Variants in FARP1 observed in about 807,000 individuals in gnomAD.
FARP1 encodes FERM, ARH/RhoGEF and pleckstrin domain protein 1, also known as FERM, ARHGEF and pleckstrin domain-containing protein 1.
In FARP1, 52 loss-of-function variants were observed where a neutral mutation model predicts 128.8. The observed-to-expected ratio is 0.40, with a 90% CI of 0.32 to 0.51. FARP1 has a LOEUF of 0.51. FARP1 is among the 20% of genes least tolerant of loss of function. The pLI is 0.45. For synonymous variants in FARP1, 580 were observed against 551.8 expected (o/e 1.05, Z -0.72); for missense variants, 1,333 against 1,367.9 (o/e 0.97, Z 0.40).
intron 2 of FARP1, among the ~76,000 whole-genome samples, chr13:98,307,479 T>C (rs1886218617): frequency 1.3e-5 from 2 of 152,084 alleles, no homozygotes; most frequent in African/African-American, 4.8e-5. Context: ...TGAGCTGGTA[T>C]CTCCTGCCCA....
chr13:98,282,685 A>C (rs930396903), intron 2 of FARP1, among the ~76,000 whole-genome samples: 1 of 152,192 alleles, frequency 6.6e-6, no homozygotes, highest in African/African-American at 2.4e-5. Context: ...CAGGCGGATC[A>C]CAAAGTCAAA....
intron 2 of FARP1, among the ~76,000 whole-genome samples, chr13:98,221,347 A>C (rs902370586): frequency 1.3e-5 from 2 of 152,152 alleles, no homozygotes; most frequent in Non-Finnish European, 2.9e-5. Context: ...AGCACTTAAG[A>C]ATAAAAAATC....
intron 25 of FARP1, 154 bp from the exon 26 acceptor site, chr13:98,446,512 C>A: frequency 1.3e-6 from 1 of 745,260 alleles, no homozygotes. Context: ...CCATCACGTA[C>A]AGGCAAACAC....
intron 13 of FARP1, chr13:98,407,538 T>C (rs1050541836): frequency 6.6e-6 from 1 of 152,142 alleles, no homozygotes; most frequent in South Asian, 2.1e-4. Context: ...TGGTGGTGTT[T>C]CGGGTGATGG....
chr13:98,220,657 A>T (rs949755448), intron 2 of FARP1, among the ~76,000 whole-genome samples: 1 of 152,138 alleles, frequency 6.6e-6, no homozygotes, highest in Non-Finnish European at 1.5e-5. Context: ...AGAGGAAAAA[A>T]ATTTTTTTCA....
At chr13:98,151,969 C>T (rs1876043940) in intron 1 of FARP1, among the ~76,000 whole-genome samples, 1 of 152,030 alleles carries the variant, frequency 6.6e-6, no homozygotes, top group Non-Finnish European at 1.5e-5. Context: ...GCCATATCTT[C>T]CATCTTTGAC....
intron 16 of FARP1, among the ~76,000 whole-genome samples, chr13:98,423,155 G>A (rs1566308851): frequency 1.3e-5 from 2 of 152,156 alleles, no homozygotes; most frequent in Non-Finnish European, 2.9e-5. Context: ...GCTGGCAGCC[G>A]ATTAGGTTGT....
At chr13:98,213,480 G>A (rs774950496) in intron 2 of FARP1, 67 bp downstream of exon 2, 44 of 1,513,266 alleles carry the variant, frequency 2.9e-5, no homozygotes, top group African/African-American at 5.6e-5. Context: ...GAGGAGGTTC[G>A]GCTCATTCCC....
Position 98,312,135 on chromosome 13 carries a change from C to CT in FARP1, c.172-31608dup, listed in dbSNP as rs60890411. On this transcript the variant is annotated intron_variant, in intron 2 of 26. Transcript: ENST00000319562. ...GTGCTGGGATTGCAGGTGGTAACTG[C>CT]TTTTTTTTTTTTTTTTTTTCTTTGA... 8.5e-3 allele frequency among the ~76,000 whole-genome samples: 730 copies of CT among 86,098 alleles called. 35 individuals carry two copies. The highest frequency in any genetic ancestry group is 0.031 in the African/African-American group (653 of 20,924). 56.5% of individuals were successfully genotyped at this position (86,098 alleles called of 152,430 possible).
chr13:98,271,453 T>TAA (rs1300887221), intron 2 of FARP1, among the ~76,000 whole-genome samples: 3 of 152,154 alleles, frequency 2.0e-5, no homozygotes, highest in Non-Finnish European at 4.4e-5. Flanking sequence ...TGCAGGTTTG[T>TAA]TACATAGGTA....
chr13:98,307,621 G>C (rs547521412), intron 2 of FARP1, among the ~76,000 whole-genome samples: 1 of 152,052 alleles, frequency 6.6e-6, no homozygotes, highest in Non-Finnish European at 1.5e-5. Flanking sequence ...TCCTTCTCCC[G>C]AGGCCACACC....
At chr13:98,365,040 G>T (rs1190780513) in intron 3 of FARP1, among the ~76,000 whole-genome samples, 2 of 152,142 alleles carry the variant, frequency 1.3e-5, no homozygotes, top group Non-Finnish European at 2.9e-5. Context: ...TTTCAATAAG[G>T]AATGTACGTA....
At chr13:98,297,567 C>G (rs1388362730) in intron 2 of FARP1, among the ~76,000 whole-genome samples, 1 of 152,194 alleles carries the variant, frequency 6.6e-6, no homozygotes, top group Non-Finnish European at 1.5e-5. Context: ...TTTAAAAACT[C>G]AAACTGCCCC....
intron 2 of FARP1, among the ~76,000 whole-genome samples, chr13:98,247,336 G>A (rs1883121245): frequency 6.6e-6 from 1 of 152,208 alleles, no homozygotes; most frequent in South Asian, 2.1e-4. Flanking sequence ...TTGGTGGTGT[G>A]CAGCCTTCCA....
At chr13:98,364,136 A>C (rs1020636366) in intron 3 of FARP1, among the ~76,000 whole-genome samples, 2 of 152,220 alleles carry the variant, frequency 1.3e-5, no homozygotes, top group African/African-American at 2.4e-5. Context: ...ACGATGATAA[A>C]AATGCTGCAA....
At position 98,385,895 on chromosome 13, in the gene FARP1, G is replaced by C. The variant is rs1041588467; in HGVS notation, c.759+81G>C. The C allele has an allele frequency of 6.2e-6, 9 of 1,448,824 alleles. 1 individual carries two copies. The highest frequency in any genetic ancestry group is 2.3e-5 in the East Asian group (1 of 43,826). The allele number at this position is 1,448,824 out of a possible 1,614,324, so 89.7% of individuals were successfully genotyped here. A position where few individuals can be genotyped will look rare whatever the true frequency, so the allele number is the denominator to read the frequency against. The stretch of plus-strand genomic sequence containing the variant: ...GCCCTTCAACTCTGATTCATATTCA[G>C]TGGGCTAAGACCTCTGATGGTTATT... On this transcript the variant is annotated intron_variant, in intron 8 of 26. Coordinates refer to ENST00000319562, the MANE Select transcript of FARP1 (RefSeq NM_005766.4).
At chr13:98,333,816 G>A (rs1887623251) in intron 2 of FARP1, 1 of 152,000 alleles carries the variant, frequency 6.6e-6, no homozygotes, top group East Asian at 1.9e-4. Context: ...TGAAAGCCTT[G>A]TTCCAGCTCC....
intron 3 of FARP1, among the ~76,000 whole-genome samples, chr13:98,351,611 A>T (rs980642183): frequency 2.2e-5 from 2 of 90,682 alleles, no homozygotes; most frequent in African/African-American, 6.0e-5. Flanking sequence ...GACTCCATCT[A>T]AAAAAAAAAA....
At chr13:98,207,908 C>CACACACACACA (rs1555327644) in intron 1 of FARP1, among the ~76,000 whole-genome samples, 11 of 71,604 alleles carry the variant, frequency 1.5e-4, no homozygotes, top group African/African-American at 6.1e-4. Context: ...ACCACCACCT[C>CACACACACACA]CACACACACA....
Sources: gnomAD v4.1 joint callset for allele counts (sites outside exome capture counted in the v4.1 genomes callset) on GRCh38, gnomAD v4.1.1 for gene constraint, MANE v1.5 for transcripts, NCBI Gene and HGNC (gene_info 2026-07-23, HGNC 2026-07-21) for gene names.